Variants in RBFOX1 observed in about 807,000 individuals in gnomAD.
The protein encoded by RBFOX1 is RNA binding protein fox-1 homolog 1.
In RBFOX1, 8 loss-of-function variants were observed where a neutral mutation model predicts 57.7. That is an observed-to-expected ratio of 0.14 (90% CI 0.08 to 0.25). The LOEUF is 0.25. Among genes scored for constraint, RBFOX1 ranks in the 10% least tolerant of loss-of-function variants. RBFOX1 has a pLI of 1.00. For missense variants in RBFOX1, 611 were observed against 548.5 expected (o/e 1.11, Z -1.14); for synonymous variants, 326 against 222.4 (o/e 1.47, Z -4.15).
chr16:6,324,976 G>C (rs748463429), intron 2 of RBFOX1, among the ~76,000 whole-genome samples: 1 of 152,136 alleles, frequency 6.6e-6, no homozygotes, highest in Non-Finnish European at 1.5e-5. Context: ...AACTAAATCA[G>C]TACAGACATT....
chr16:6,556,472 G>A (rs965165210), intron 2 of RBFOX1, among the ~76,000 whole-genome samples: 22 of 152,060 alleles, frequency 1.4e-4, no homozygotes, highest in African/African-American at 4.1e-4. Flanking sequence ...AAAACATGTC[G>A]CCTCTGAGGT....
chr16:5,793,155 G>A (rs1226275178), intron 3 of RBFOX1, among the ~76,000 whole-genome samples: 1 of 152,162 alleles, frequency 6.6e-6, no homozygotes. Flanking sequence ...TCTCTGGCTG[G>A]TCTCACTTTT....
chr16:7,551,125 C>T (rs1457251202), intron 5 of RBFOX1, among the ~76,000 whole-genome samples: 1 of 147,942 alleles, frequency 6.8e-6, no homozygotes, highest in Non-Finnish European at 1.5e-5. Context: ...AGAATATTTA[C>T]AGGACTTCTG....
At chr16:7,273,200 C>CCCTTCCTT (rs71147679) in intron 4 of RBFOX1, among the ~76,000 whole-genome samples, 13,950 of 53,244 alleles carry the variant, frequency 0.26, 3,566 homozygotes, top group African/African-American at 0.37. Context: ...CTTCCTTCCT[C>CCCTTCCTT]CCTCCCTTCC....
intron 3 of RBFOX1, among the ~76,000 whole-genome samples, chr16:5,827,339 G>T (rs531621858): frequency 6.7e-6 from 1 of 148,152 alleles, no homozygotes; most frequent in Admixed American, 6.8e-5. Flanking sequence ...GGCGGATGTT[G>T]CAGTGAGCCA....
rs183916344 is a variant in RBFOX1 at position 7,325,280 on chromosome 16, C to A, written c.28-192867C>A. ...ATGGCTACTCGTGATATTCTTATTT[C>A]GCAGATAATAAATCTGAGGCACAGA... On this transcript the variant is annotated intron_variant, in intron 4 of 15. Transcript: ENST00000550418. 2.6e-3 allele frequency among the ~76,000 whole-genome samples: 402 copies of A among 152,260 alleles called. 2 individuals carry two copies. Among genetic ancestry groups the A allele is most frequent in the African/African-American group, 9.1e-3 (379 of 41,558 alleles).
intron 3 of RBFOX1, among the ~76,000 whole-genome samples, chr16:6,739,923 A>T (rs999508166): frequency 2.6e-5 from 4 of 152,160 alleles, no homozygotes; most frequent in African/African-American, 9.7e-5. Flanking sequence ...TTATGAAGCC[A>T]TTACACTCTG....
At chr16:5,342,125 G>A (rs953635606) in intron 1 of RBFOX1, among the ~76,000 whole-genome samples, 5 of 152,108 alleles carry the variant, frequency 3.3e-5, no homozygotes, top group African/African-American at 1.2e-4. Flanking sequence ...CTATTGGAGA[G>A]GCATAATTTT....
At chr16:6,875,734 G>C (rs78301768) in intron 3 of RBFOX1, among the ~76,000 whole-genome samples, 3,496 of 152,242 alleles carry the variant, frequency 0.023, 139 homozygotes, top group African/African-American at 0.075. Flanking sequence ...TCTGGGCATG[G>C]TGGCCCATGC....
chr16:6,975,059 T>C (rs1472133979), intron 3 of RBFOX1, among the ~76,000 whole-genome samples: 2 of 152,114 alleles, frequency 1.3e-5, no homozygotes, highest in African/African-American at 2.4e-5. Context: ...TGTTTAAAAA[T>C]ATATGGCAGA....
chr16:5,765,652 TG>T (rs1281188857), intron 3 of RBFOX1, among the ~76,000 whole-genome samples: 1 of 152,194 alleles, frequency 6.6e-6, no homozygotes, highest in African/African-American at 2.4e-5. Flanking sequence ...GGTACTTTTT[TG>T]CAATTCAACC....
intron 3 of RBFOX1, among the ~76,000 whole-genome samples, chr16:6,854,586 A>C (rs1314782905): frequency 1.3e-5 from 1 of 76,912 alleles, no homozygotes; most frequent in African/African-American, 6.3e-5. Context: ...AGGAGAGGTG[A>C]ATTTTTTTTT....
At chr16:6,296,050 G>A (rs1386372456) in intron 1 of RBFOX1, among the ~76,000 whole-genome samples, 1 of 152,184 alleles carries the variant, frequency 6.6e-6, no homozygotes, top group Non-Finnish European at 1.5e-5. Context: ...AGGAAGCTGA[G>A]CCCAGGATCT....
intron 3 of RBFOX1, among the ~76,000 whole-genome samples, chr16:6,843,606 A>C (rs548875278): frequency 6.6e-6 from 1 of 152,130 alleles, no homozygotes; most frequent in South Asian, 2.1e-4. Flanking sequence ...GGAGAATGGC[A>C]TGAACCCAGG....
intron 3 of RBFOX1, among the ~76,000 whole-genome samples, chr16:5,746,970 C>G (rs1461841325): frequency 6.6e-6 from 1 of 152,204 alleles, no homozygotes; most frequent in Non-Finnish European, 1.5e-5. Context: ...GAACTTCCAA[C>G]ACTATGTTGA....
intron 10 of RBFOX1, among the ~76,000 whole-genome samples, chr16:7,613,386 G>C (rs963611245): frequency 6.6e-6 from 1 of 152,138 alleles, no homozygotes; most frequent in Admixed American, 6.5e-5. Context: ...GAGCATCAGA[G>C]AACATCACAG....
At chr16:7,507,454 C>G (rs770058915) in intron 4 of RBFOX1, among the ~76,000 whole-genome samples, 7 of 152,004 alleles carry the variant, frequency 4.6e-5, no homozygotes, top group Non-Finnish European at 7.4e-5. Context: ...TGTATCAGAA[C>G]TATCTGGGGC....
chr16:6,244,360 A>G (rs1416797339), intron 1 of RBFOX1, among the ~76,000 whole-genome samples: 1 of 152,158 alleles, frequency 6.6e-6, no homozygotes, highest in Non-Finnish European at 1.5e-5. Flanking sequence ...ACTCACCTGC[A>G]GTCTTTGTTC....
intron 4 of RBFOX1, among the ~76,000 whole-genome samples, chr16:7,174,767 G>A (rs1472118333): frequency 6.6e-6 from 1 of 152,182 alleles, no homozygotes; most frequent in Non-Finnish European, 1.5e-5. Context: ...GAGACAAAGC[G>A]AGACTCAGTC....
Sources: allele counts gnomAD v4.1 joint callset (sites outside exome capture counted in the v4.1 genomes callset), GRCh38; gene constraint gnomAD v4.1.1; transcripts MANE v1.5; gene names NCBI Gene and HGNC (gene_info 2026-07-23, HGNC 2026-07-21).